The following DPP10 variants were observed in gnomAD, a reference collection of about 807,000 sequenced individuals.
DPP10 encodes inactive dipeptidyl peptidase 10.
DPP10 carries 33 observed loss-of-function variants against 120.9 expected under a neutral mutation model. The ratio of observed to expected loss-of-function variants is 0.27; its 90% confidence interval spans 0.21 to 0.37. The LOEUF (loss-of-function observed/expected upper bound fraction) is 0.37, where lower values mean the gene tolerates loss of function less well. Ranked by LOEUF, DPP10 falls within the 10% of genes least tolerant of loss-of-function variation. The pLI is 1.00. For missense variants in DPP10, 816 were observed against 942.8 expected (o/e 0.87, Z 1.76); for synonymous variants, 337 against 326.1 (o/e 1.03, Z -0.36).
intron 1 of DPP10, among the ~76,000 whole-genome samples, chr2:115,014,578 C>T: frequency 6.6e-6 from 1 of 151,508 alleles, no homozygotes; most frequent in East Asian, 1.9e-4. Flanking sequence ...AAAAGATCAA[C>T]AAAATAGACC....
chr2:114,655,399 C>T (rs948991348), intron 1 of DPP10, among the ~76,000 whole-genome samples: 8 of 152,012 alleles, frequency 5.3e-5, no homozygotes, highest in Admixed American at 6.6e-5. Context: ...AGCAAAACCT[C>T]GTGTTCCACT....
rs72951851 is a variant in DPP10, at chr2:114,539,381, C to A, written c.60+96543C>A. On this transcript the variant is annotated intron_variant, in intron 1 of 25. Coordinates refer to ENST00000410059, the MANE Select transcript of DPP10 (RefSeq NM_020868.6). ...CAGCTCTGATGGAAGTTCCTTCCGA[C>A]TGTATTTCCTTCCTATCATCTTAAG... Among the ~76,000 whole-genome samples the A allele has an allele frequency of 3.3e-3, 498 of 152,076 alleles. 2 individuals are homozygous for A. Among genetic ancestry groups the A allele is most frequent in the African/African-American group, 0.011 (455 of 41,502 alleles).
intron 1 of DPP10, among the ~76,000 whole-genome samples, chr2:114,587,158 G>A (rs930324296): frequency 4.6e-5 from 7 of 151,950 alleles, no homozygotes; most frequent in South Asian, 4.2e-4. Context: ...AAAATTAGCC[G>A]GGCATGGTGG....
At chr2:115,689,974 A>G in intron 7 of DPP10, 53 bp downstream of exon 7, 1 of 1,541,096 alleles carries the variant, frequency 6.5e-7, no homozygotes, top group Non-Finnish European at 8.8e-7. Context: ...GTTTTATGGA[A>G]GATGTTAACT....
chr2:115,389,252 G>A lies in DPP10; in HGVS notation c.271+45340G>A, dbSNP rs143456046. Among the ~76,000 whole-genome samples the A allele has an allele frequency of 5.6e-3, 791 of 141,086 alleles. 7 individuals carry two copies. The highest frequency in any genetic ancestry group is 0.02 in the African/African-American group (748 of 37,508). The allele number at this position is 141,086 out of a possible 152,430, so 92.6% of individuals were successfully genotyped here. ...TCTGCCTGCAGTTAGGTGCTTTTAT[G>A]CTTTTACTAAACACACACACACACA... On this transcript the variant is annotated intron_variant, in intron 3 of 25. Transcript: ENST00000410059.
At chr2:115,168,307 G>C (rs2053059837) in intron 1 of DPP10, among the ~76,000 whole-genome samples, 2 of 152,086 alleles carry the variant, frequency 1.3e-5, no homozygotes, top group African/African-American at 4.8e-5. Flanking sequence ...ATTAGAATGG[G>C]GGCCATATAC....
At chr2:114,606,175 A>G (rs1692780009) in intron 1 of DPP10, among the ~76,000 whole-genome samples, 2 of 152,256 alleles carry the variant, frequency 1.3e-5, no homozygotes, top group South Asian at 2.1e-4. Flanking sequence ...AATCTGAAAC[A>G]TGGGTTCCAT....
intron 1 of DPP10, among the ~76,000 whole-genome samples, chr2:115,290,879 A>C (rs1016001696): frequency 2.0e-5 from 3 of 152,152 alleles, no homozygotes; most frequent in Non-Finnish European, 2.9e-5. Context: ...AACAGAGATA[A>C]GGCAAATCAT....
intron 4 of DPP10, among the ~76,000 whole-genome samples, chr2:115,523,911 A>T (rs1312692027): frequency 1.3e-5 from 2 of 152,134 alleles, no homozygotes; most frequent in Non-Finnish European, 2.9e-5. Context: ...AAAAACTAAA[A>T]AACAAAATTC....
At chr2:115,547,040 A>T (rs1371327112) in intron 5 of DPP10, among the ~76,000 whole-genome samples, 1 of 152,128 alleles carries the variant, frequency 6.6e-6, no homozygotes, top group Admixed American at 6.6e-5. Flanking sequence ...TTTATAACTG[A>T]TATTTTTTTC....
intron 5 of DPP10, among the ~76,000 whole-genome samples, chr2:115,529,053 G>T (rs184500865): frequency 2.0e-5 from 3 of 151,880 alleles, no homozygotes; most frequent in Non-Finnish European, 4.4e-5. Context: ...GAACACCTGT[G>T]ATCTCTCAGT....
At chr2:115,323,456 C>T (rs1037773493) in intron 2 of DPP10, among the ~76,000 whole-genome samples, 1 of 152,190 alleles carries the variant, frequency 6.6e-6, no homozygotes, top group Non-Finnish European at 1.5e-5. Flanking sequence ...GAATCAGCTT[C>T]TTCCAAACTC....
chr2:114,639,129 A>G (rs148844019), intron 1 of DPP10, among the ~76,000 whole-genome samples: 5,634 of 151,952 alleles, frequency 0.037, 419 homozygotes, highest in African/African-American at 0.12. Context: ...TAATTTATAA[A>G]GGAAAGAGGT....
At chr2:115,805,922 C>A (rs1008626458) in intron 19 of DPP10, among the ~76,000 whole-genome samples, 2 of 152,230 alleles carry the variant, frequency 1.3e-5, no homozygotes, top group Admixed American at 1.3e-4. Flanking sequence ...ATTATGATTA[C>A]AACAGGGCAG....
At chr2:115,414,934 G>A (rs995572197) in intron 3 of DPP10, among the ~76,000 whole-genome samples, 9 of 152,048 alleles carry the variant, frequency 5.9e-5, no homozygotes, top group East Asian at 1.9e-4. Flanking sequence ...CAATTTCCAC[G>A]GAGAAACCAT....
intron 1 of DPP10, among the ~76,000 whole-genome samples, chr2:114,996,970 G>A (rs1236059328): frequency 8.5e-6 from 1 of 117,092 alleles, no homozygotes; most frequent in Non-Finnish European, 1.7e-5. Flanking sequence ...GACAGAGCAA[G>A]ACTCCATCTC....
chr2:115,461,616 C>T (rs1214363589), intron 3 of DPP10, among the ~76,000 whole-genome samples: 1 of 152,124 alleles, frequency 6.6e-6, no homozygotes, highest in Non-Finnish European at 1.5e-5. Context: ...TCACAATATA[C>T]AGGCACATCA....
intron 1 of DPP10, among the ~76,000 whole-genome samples, chr2:115,036,294 C>A (rs765783894): frequency 1.3e-5 from 2 of 152,172 alleles, no homozygotes; most frequent in Admixed American, 6.5e-5. Flanking sequence ...TTGTCCTGTC[C>A]TTGACGTGTG....
intron 3 of DPP10, among the ~76,000 whole-genome samples, chr2:115,407,822 A>G (rs2104549334): frequency 6.6e-6 from 1 of 152,232 alleles, no homozygotes; most frequent in Middle Eastern, 3.4e-3. Context: ...GTCCCAGAGT[A>G]TGGACACACA....
Sources: allele counts gnomAD v4.1 joint callset (sites outside exome capture counted in the v4.1 genomes callset), GRCh38; gene constraint gnomAD v4.1.1; transcripts MANE v1.5; gene names NCBI Gene and HGNC (gene_info 2026-07-23, HGNC 2026-07-21).